PSD3: variants seen among roughly 807,000 people sequenced by gnomAD.
PSD3 encodes PH and SEC7 domain-containing protein 3.
PSD3 carries 49 observed loss-of-function variants against 105.5 expected under a neutral mutation model. That is an observed-to-expected ratio of 0.46 (90% CI 0.37 to 0.59). PSD3 has a LOEUF of 0.59. PSD3 is among the 20% of genes least tolerant of loss of function. The probability of loss-of-function intolerance (pLI) is 0.00; values close to 1 mark genes in which losing one functional copy is unlikely to be tolerated. For synonymous variants in PSD3, 557 were observed against 457.8 expected (o/e 1.22, Z -2.77); for missense variants, 1,561 against 1,263.8 (o/e 1.24, Z -3.57).
chr8:18,674,546 TA>T (rs1283691514), intron 9 of PSD3, among the ~76,000 whole-genome samples: 1 of 152,200 alleles, frequency 6.6e-6, no homozygotes, highest in Admixed American at 6.5e-5. Flanking sequence ...AATTCTAATT[TA>T]AGAGTTAAGT....
intron 4 of PSD3, chr8:18,808,930 A>G: frequency 6.8e-7 from 1 of 1,480,000 alleles, no homozygotes. Flanking sequence ...ATGACCTCAC[A>G]TTCTCAGCCG....
intron 9 of PSD3, among the ~76,000 whole-genome samples, chr8:18,728,661 A>G (rs1803506198): frequency 6.6e-6 from 1 of 152,244 alleles, no homozygotes; most frequent in Non-Finnish European, 1.5e-5. Context: ...AGGGCCAAGC[A>G]GTCACCTTGA....
Position 18,737,809 on chromosome 8 carries a change from A to C in PSD3, c.2172+27640T>G, listed in dbSNP as rs186673933. Among the ~76,000 whole-genome samples, 530 of 152,208 alleles carry C rather than the reference A, an allele frequency of 3.5e-3. 4 individuals are homozygous for C. Among genetic ancestry groups the C allele is most frequent in the African/African-American group, 0.012 (504 of 41,520 alleles). On this transcript the variant is annotated intron_variant, in intron 9 of 15. Transcript: ENST00000327040. ...GAACTTCAGTAGAAAATATACACAA[A>C]ACTAGTCTTGCATCATGGGGTTTAC... is the stretch of plus-strand genomic sequence containing the variant.
intron 2 of PSD3, among the ~76,000 whole-genome samples, chr8:18,929,827 A>G (rs532898736): frequency 6.6e-6 from 1 of 152,308 alleles, no homozygotes; most frequent in East Asian, 1.9e-4. Context: ...GGGGGAAAAA[A>G]AATCTAATTG....
chr8:18,834,057 TAC>T lies in PSD3; in HGVS notation c.1635-29161_1635-29160del, dbSNP rs535116856. ...CAAAATTTTGCTGAGAGAAGTGAAT[TAC>T]AGTTAAATAAACACTATGCTCCTGC... On this transcript the variant is annotated intron_variant, in intron 4 of 15. Transcript: ENST00000327040. Among the ~76,000 whole-genome samples, 744 of 152,236 alleles carry T rather than the reference TAC, an allele frequency of 4.9e-3. 2 individuals carry two copies. Among genetic ancestry groups the T allele is most frequent in the Non-Finnish European group, 6.4e-3 (433 of 68,006 alleles).
At chr8:18,969,894 A>C (rs954139678) in intron 1 of PSD3, among the ~76,000 whole-genome samples, 2 of 152,190 alleles carry the variant, frequency 1.3e-5, no homozygotes, top group African/African-American at 4.8e-5. Flanking sequence ...CCCACAAGGG[A>C]TTTTTTAAAA....
chr8:18,891,000 A>G (rs974068900), intron 2 of PSD3, among the ~76,000 whole-genome samples: 17 of 152,304 alleles, frequency 1.1e-4, no homozygotes, highest in Admixed American at 9.1e-4. Flanking sequence ...TAGAAAGGAA[A>G]GATCAAAAAA....
chr8:18,618,115 C>G (rs1398791084), intron 11 of PSD3, among the ~76,000 whole-genome samples: 2 of 152,170 alleles, frequency 1.3e-5, no homozygotes, highest in Admixed American at 1.3e-4. Flanking sequence ...CTCAACTTAA[C>G]TCAAATATTT....
chr8:19,066,048 A>G (rs1336514730), intron 1 of PSD3, among the ~76,000 whole-genome samples: 3 of 152,216 alleles, frequency 2.0e-5, no homozygotes, highest in Non-Finnish European at 4.4e-5. Context: ...CAGTAACACA[A>G]AAACTCACCT....
intron 4 of PSD3, among the ~76,000 whole-genome samples, chr8:18,842,005 G>A (rs1005467296): frequency 4.6e-5 from 7 of 152,162 alleles, no homozygotes; most frequent in African/African-American, 1.7e-4. Flanking sequence ...GGAGCAGAAA[G>A]GCAGTGGATG....
At chr8:19,069,950 T>C (rs1285685980) in intron 1 of PSD3, among the ~76,000 whole-genome samples, 1 of 12,156 alleles carries the variant, frequency 8.2e-5, no homozygotes, top group Non-Finnish European at 1.3e-3. Context: ...TTCTTTTTTC[T>C]TTTTTTTTTT....
At chr8:18,735,598 T>C (rs1166017083) in intron 9 of PSD3, among the ~76,000 whole-genome samples, 2 of 152,170 alleles carry the variant, frequency 1.3e-5, no homozygotes, top group Admixed American at 6.5e-5. Flanking sequence ...CAGATTTCTA[T>C]CTCCTGGTAG....
chr8:18,985,917 A>G (rs1825476252), intron 1 of PSD3, among the ~76,000 whole-genome samples: 1 of 151,940 alleles, frequency 6.6e-6, no homozygotes, highest in Non-Finnish European at 1.5e-5. Context: ...TTATAATTAC[A>G]TTTTATTATT....
chr8:18,883,958 CATATTA>C (rs1372207875), intron 2 of PSD3, among the ~76,000 whole-genome samples: 2 of 152,084 alleles, frequency 1.3e-5, no homozygotes, highest in Non-Finnish European at 2.9e-5. Context: ...CACCTTAAAA[CATATTA>C]ATATTATGTT....
intron 4 of PSD3, among the ~76,000 whole-genome samples, chr8:18,831,612 G>C (rs1282641355): frequency 6.6e-6 from 1 of 152,150 alleles, no homozygotes; most frequent in Non-Finnish European, 1.5e-5. Context: ...GTCCCAGCTA[G>C]TCAGGAGGCT....
At position 18,649,816 on chromosome 8, in the gene PSD3, G is replaced by T. The variant is rs578180786; in HGVS notation, c.2216+5826C>A. ...AGTGAGTAAGTTATTGTGAGATCTG[G>T]TTGTTTAAAAGTGTGGCACTTCCAC... On this transcript the variant is annotated intron_variant, in intron 10 of 15. Coordinates refer to ENST00000327040, the MANE Select transcript of PSD3 (RefSeq NM_015310.4). Among the ~76,000 whole-genome samples, 156 of 152,248 alleles carry T rather than the reference G, an allele frequency of 1.0e-3. No homozygotes were observed. The South Asian group carries it at 0.017, about 17-fold the overall frequency.
chr8:19,084,438 C>A (rs1442914219), exon 1 of PSD3: 1 of 456,152 alleles, frequency 2.2e-6, no homozygotes, highest in African/African-American at 2.0e-5. Context: ...GGCATCCCTG[C>A]ATCGGGGGTC....
intron 12 of PSD3, among the ~76,000 whole-genome samples, chr8:18,593,451 G>A (rs1204685054): frequency 2.6e-5 from 4 of 152,084 alleles, no homozygotes; most frequent in African/African-American, 9.7e-5. Flanking sequence ...TTAGAACGGC[G>A]ATCGTTAAAA....
chr8:18,817,209 C>T (rs575798061), intron 4 of PSD3, among the ~76,000 whole-genome samples: 160 of 152,326 alleles, frequency 1.1e-3, no homozygotes, highest in Non-Finnish European at 2.0e-3. Context: ...CCAACTTCCA[C>T]AATCGGAGAA....
Sources: gnomAD v4.1 joint callset for allele counts (sites outside exome capture counted in the v4.1 genomes callset) on GRCh38, gnomAD v4.1.1 for gene constraint, MANE v1.5 for transcripts, NCBI Gene and HGNC (gene_info 2026-07-23, HGNC 2026-07-21) for gene names.